USP24: variants seen among roughly 807,000 people sequenced by gnomAD.
The protein encoded by USP24 is ubiquitin carboxyl-terminal hydrolase 24.
A neutral mutation model predicts 361.6 loss-of-function variants in USP24; 97 were observed. That is an observed-to-expected ratio of 0.27 (90% CI 0.23 to 0.32). The LOEUF (loss-of-function observed/expected upper bound fraction) is 0.32, where lower values mean the gene tolerates loss of function less well. Ranked by LOEUF, USP24 falls within the 10% of genes least tolerant of loss-of-function variation. The pLI, the probability that USP24 is intolerant of heterozygous loss-of-function variation, is 1.00. For synonymous variants in USP24, 1,098 were observed against 1,124.6 expected (o/e 0.98, Z 0.47); for missense variants, 2,353 against 3,165.6 (o/e 0.74, Z 6.16).
chr1:55,133,626 TTCTC>T (rs72108685), intron 30 of USP24, among the ~76,000 whole-genome samples: 3,611 of 145,774 alleles, frequency 0.025, 124 homozygotes, highest in African/African-American at 0.086. Context: ...GCAAAGGTAT[TTCTC>T]TCTCTCTCTT....
chr1:55,102,322 G>A (rs773985042), intron 42 of USP24, among the ~76,000 whole-genome samples: 3 of 152,076 alleles, frequency 2.0e-5, no homozygotes, highest in Non-Finnish European at 2.9e-5. Flanking sequence ...TTACTTACAG[G>A]TGTTTTGAAA....
chr1:55,185,739 T>C (rs1644112634), intron 1 of USP24, among the ~76,000 whole-genome samples: 1 of 148,650 alleles, frequency 6.7e-6, no homozygotes, highest in African/African-American at 2.5e-5. Context: ...CTTTCTGATT[T>C]TTTTTTTTTT....
chr1:55,121,640 C>T (rs1467075420), intron 36 of USP24, 134 bp from the exon 37 acceptor site: 1 of 679,464 alleles, frequency 1.5e-6, no homozygotes, highest in East Asian at 2.8e-5. Context: ...GGACCTTTTA[C>T]AATTGCTTTC....
At chr1:55,127,606 T>C (rs1211453853) in intron 32 of USP24, among the ~76,000 whole-genome samples, 2 of 152,198 alleles carry the variant, frequency 1.3e-5, no homozygotes, top group African/African-American at 2.4e-5. Context: ...CTGGGTCAAA[T>C]GGTATTTCTA....
intron 1 of USP24, among the ~76,000 whole-genome samples, chr1:55,201,884 T>C (rs542837694): frequency 1.3e-5 from 2 of 152,288 alleles, no homozygotes; most frequent in African/African-American, 2.4e-5. Flanking sequence ...GAAGGAGATG[T>C]TCCTACCCTA....
In USP24 at chr1:55,098,072, T is replaced by G; in HGVS notation, c.5466A>C (p.Glu1822Asp). Reference sequence around the variant, plus strand: ...CTAGATTGAGAGCCATGAAAGCTTCTTCACGCTCATATCTGATTAGGAAAT... The same window carrying G: ...CTAGATTGAGAGCCATGAAAGCTTCGTCACGCTCATATCTGATTAGGAAAT... ...CKDCPHRYER[E>D]EAFMALNLGV... The change falls in exon 47 of 68, where the codon GAA becomes GAC. Residue 1822 changes from glutamate (E) to aspartate (D), a missense_variant. Glu to Asp is a conservative substitution (Grantham distance 45). Around this residue, in one of 8 missense-constraint regions of USP24, gnomAD observed 105 missense variants for 200.3 expected, o/e 0.52. Transcript: ENST00000294383. The G allele has an allele frequency of 1.2e-6, 2 of 1,605,998 alleles. No individual in the cohort carries two copies. The highest frequency in any genetic ancestry group is 1.7e-6 in the Non-Finnish European group (2 of 1,177,546).
intron 41 of USP24, among the ~76,000 whole-genome samples, chr1:55,104,767 A>C (rs1645727988): frequency 6.6e-6 from 1 of 152,200 alleles, no homozygotes; most frequent in Non-Finnish European, 1.5e-5. Flanking sequence ...GACCAGCACG[A>C]CACCAGGCAC....
chr1:55,071,021 G>T, intron 67 of USP24: 1 of 524,630 alleles, frequency 1.9e-6, no homozygotes, highest in Non-Finnish European at 2.4e-6. Context: ...GAGTGACCTT[G>T]GGCTAAGTCA....
chr1:55,160,337 T>C (rs565761338), intron 8 of USP24, among the ~76,000 whole-genome samples: 8 of 152,232 alleles, frequency 5.3e-5, no homozygotes, highest in African/African-American at 1.9e-4. Context: ...GTTATCCAGA[T>C]AGAATTTCTT....
chr1:55,150,261 T>G lies in USP24; in HGVS notation c.1861-1691A>C, dbSNP rs554257488. ...CAGTGTGCTCCCATGAAGTTGTTCA[T>G]AATTGTTCAAAAAAAGGCTTAGGCT... On this transcript the variant is annotated intron_variant, in intron 16 of 67. Coordinates refer to ENST00000294383, the MANE Select transcript of USP24 (RefSeq NM_015306.3). Among the ~76,000 whole-genome samples, 21 of 152,316 alleles carry G rather than the reference T, an allele frequency of 1.4e-4. 1 individual carries two copies. The South Asian group carries it at 3.9e-3, about 29-fold the overall frequency.
chr1:55,213,813 G>A lies in USP24; in HGVS notation c.324+977C>T, dbSNP rs1193438498. On this transcript the variant is annotated intron_variant, in intron 1 of 67. Transcript: ENST00000294383. ...CTTGCTCACACCCCAAACTAAACAG[G>A]CATAGTCTTCTCCACCTAGACTTGA... 2.6e-5 allele frequency among the ~76,000 whole-genome samples: 4 copies of A among 151,836 alleles called. No individual in the cohort carries two copies. The South Asian group carries it at 8.3e-4, about 32-fold the overall frequency.
rs1645399434 is a variant in USP24, at chr1:55,092,241, G to A, written c.6451-115C>T. On this transcript the variant is annotated intron_variant, in intron 53 of 67. Transcript: ENST00000294383. ...ATATATGAATATGATATACACACAT[G>A]ATAAAGTTAAATACTAATAAGAAGA... The A allele has an allele frequency of 7.0e-6, 4 of 572,906 alleles. No individual in the cohort carries two copies. The African/African-American group carries it at 7.8e-5, about 11-fold the overall frequency. 35.5% of individuals were successfully genotyped at this position (572,906 alleles called of 1,614,324 possible).
intron 63 of USP24, among the ~76,000 whole-genome samples, chr1:55,074,328 G>A (rs1644980881): frequency 6.6e-6 from 1 of 152,072 alleles, no homozygotes; most frequent in Non-Finnish European, 1.5e-5. Flanking sequence ...CCTGCTCTAT[G>A]TTTTAGGGAT....
rs1645771434 is a variant in USP24, at chr1:55,106,297, A to G, written c.4763-34T>C. ...GAGCATAATATTCATGTTGAAGATG[A>G]ACACATATTTTAATTCAAAGATCCT... On this transcript the variant is annotated intron_variant, in intron 40 of 67. Coordinates refer to ENST00000294383, the MANE Select transcript of USP24 (RefSeq NM_015306.3). 3 of 1,507,856 alleles carry G rather than the reference A, an allele frequency of 2.0e-6. No homozygotes were observed. In the South Asian group the frequency reaches 3.4e-5, roughly 17 times the overall value. The allele number at this position is 1,507,856 out of a possible 1,614,324, so 93.4% of individuals were successfully genotyped here.
Position 55,147,857 on chromosome 1 carries a change from TTAA to T in USP24, c.1969-62_1969-60del, listed in dbSNP as rs559300405. 7.2e-4 allele frequency: 1,127 copies of T among 1,561,618 alleles called. 8 individuals are homozygous for T. In the African/African-American group the frequency reaches 0.013, roughly 18 times the overall value. The stretch of plus-strand genomic sequence containing the variant: ...GAGAATTTGCAGTTATTTTGCTGGT[TTAA>T]TACAAGCTGCTATTTAAAGATGTAG... On this transcript the variant is annotated intron_variant, in intron 17 of 67. Coordinates refer to ENST00000294383, the MANE Select transcript of USP24 (RefSeq NM_015306.3).
At position 55,125,344 on chromosome 1, in the gene USP24, G is replaced by A; in HGVS notation, c.3936C>T (p.Ile1312=). 6.2e-7 allele frequency: 1 copy of A among 1,613,888 alleles called. No homozygotes were observed. Among genetic ancestry groups the A allele is most frequent in the Non-Finnish European group, 8.5e-7 (1 of 1,179,816 alleles). ...CTTGTATTGCAACTCGAGCAGCAGG[G>A]ATGATTTCCTCAACCCTAATAGAAG... ...DRSSIRVEEI[I]PAARVAIQTM... The change falls in exon 34 of 68, where the codon ATC becomes ATT. Residue 1312 remains isoleucine (I), a synonymous_variant. Transcript: ENST00000294383.
chr1:55,071,175 C>G (rs984103329), intron 67 of USP24: 7 of 985,942 alleles, frequency 7.1e-6, no homozygotes, highest in Non-Finnish European at 7.2e-6. Flanking sequence ...GGGGCCTATT[C>G]TGTACCAAGT....
At chr1:55,204,045 T>C (rs1644643540) in intron 1 of USP24, among the ~76,000 whole-genome samples, 1 of 152,148 alleles carries the variant, frequency 6.6e-6, no homozygotes, top group South Asian at 2.1e-4. Flanking sequence ...GAAAAACCAT[T>C]AACATTTTCC....
Position 55,099,809 on chromosome 1 carries a change from A to G in USP24, c.5332T>C (p.Phe1778Leu). Residue 1778 changes from phenylalanine to leucine, a missense_variant, in exon 45 of 68, where the codon TTT (phenylalanine) becomes CTT (leucine). By Grantham distance (22) the Phe-to-Leu change is conservative (BLOSUM62 0). Coordinates refer to ENST00000294383, the MANE Select transcript of USP24 (RefSeq NM_015306.3). ...TCCATCTGATCAATGAGACTAGTAA[A>G]GAATTCATATGCATCCTGCTGTTCT... ...VREQQDAYEF[F>L]TSLIDQMDEY... 1 of 1,560,420 alleles carries G rather than the reference A, an allele frequency of 6.4e-7. No individual in the cohort carries two copies. The highest frequency in any genetic ancestry group is 8.7e-7 in the Non-Finnish European group (1 of 1,150,890).
Sources: allele counts gnomAD v4.1 joint callset (sites outside exome capture counted in the v4.1 genomes callset), GRCh38; gene constraint gnomAD v4.1.1; regional missense constraint gnomAD v4.1.1; transcripts MANE v1.5; gene names NCBI Gene and HGNC (gene_info 2026-07-23, HGNC 2026-07-21).